Variants in CELF3 observed in about 807,000 individuals in gnomAD.
CELF3 encodes CUGBP Elav-like family member 3.
Under a neutral mutation model 59.6 loss-of-function variants are expected in CELF3, and 26 were observed. That is an observed-to-expected ratio of 0.44 (90% CI 0.32 to 0.61). The LOEUF (loss-of-function observed/expected upper bound fraction) is 0.61, where lower values mean the gene tolerates loss of function less well. CELF3 is among the 20% of genes least tolerant of loss of function. The pLI, the probability that CELF3 is intolerant of heterozygous loss-of-function variation, is 0.06. For synonymous variants in CELF3, 245 were observed against 250.7 expected (o/e 0.98, Z 0.22); for missense variants, 387 against 627.2 (o/e 0.62, Z 4.09).
At position 151,716,338 on chromosome 1, in the gene CELF3, A is replaced by C. The variant is rs1347861651; in HGVS notation, c.-318T>G. On this transcript the variant is annotated 5_prime_UTR_variant, in exon 1 of 13. Transcript: ENST00000290583. ...GAGTATGGCCAAGACCTGGAGGGTT[A>C]GGTGGTAGCCGGGGGTGCTAGGGCT... is the stretch of plus-strand genomic sequence containing the variant. The C allele has an allele frequency of 3.0e-6, 1 of 338,948 alleles. No individual in the cohort carries two copies. The highest frequency in any genetic ancestry group is 5.5e-6 in the Non-Finnish European group (1 of 182,222). 21.0% of individuals were successfully genotyped at this position (338,948 alleles called of 1,614,324 possible). A position where few individuals can be genotyped will look rare whatever the true frequency, so the allele number is the denominator to read the frequency against.
rs1171759315 is a variant in CELF3 at position 151,714,694 on chromosome 1, C to A, written c.146-18G>T. The A allele has an allele frequency of 6.5e-7, 1 of 1,536,648 alleles. No homozygotes were observed. The highest frequency in any genetic ancestry group is 2.0e-5 in the Admixed American group (1 of 51,104). On this transcript the variant is annotated intron_variant, in intron 1 of 12. Coordinates refer to ENST00000290583, the MANE Select transcript of CELF3 (RefSeq NM_007185.7). ...GGCACATCCTGAGGAGGGGCAGGGG[C>A]AGAGAAACACGGCGGGGGGTGAGTC...
rs920427246 is a variant in CELF3, at chr1:151,716,112, G to T, written c.-92C>A. 20 of 1,343,678 alleles carry T rather than the reference G, an allele frequency of 1.5e-5. No homozygotes were observed. The highest frequency in any genetic ancestry group is 1.8e-5 in the Non-Finnish European group (18 of 999,978). The allele number at this position is 1,343,678 out of a possible 1,614,324, so 83.2% of individuals were successfully genotyped here. Reference sequence around the variant, plus strand: ...AGCAAGGAGATAAGTGGTGGGGCCCGGGGGCCCAGCTGGGGCTGGCTTTCC... The same window carrying T: ...AGCAAGGAGATAAGTGGTGGGGCCCTGGGGCCCAGCTGGGGCTGGCTTTCC... On this transcript the variant is annotated 5_prime_UTR_variant, in exon 1 of 13. Transcript: ENST00000290583.
chr1:151,704,053 G>A (rs990457970), intron 12 of CELF3, among the ~76,000 whole-genome samples: 3 of 152,170 alleles, frequency 2.0e-5, no homozygotes, highest in African/African-American at 7.2e-5. Flanking sequence ...GGGCTTGGGG[G>A]TGCTTCCCTC....
At chr1:151,703,946 G>A (rs1427850369) in intron 12 of CELF3, among the ~76,000 whole-genome samples, 2 of 152,102 alleles carry the variant, frequency 1.3e-5, no homozygotes, top group Non-Finnish European at 2.9e-5. Flanking sequence ...TTTTGGAAAG[G>A]AACACAGAAA....
At chr1:151,711,229 A>C (rs1483651312) in intron 2 of CELF3, 1 of 211,722 alleles carries the variant, frequency 4.7e-6, no homozygotes, top group Non-Finnish European at 9.6e-6. Context: ...GGTTCCGGTC[A>C]GCTCCAGGCT....
Position 151,703,258 on chromosome 1 carries a change from G to A in CELF3, c.*201C>T, listed in dbSNP as rs532163061. On this transcript the variant is annotated 3_prime_UTR_variant, in exon 13 of 13. Transcript: ENST00000290583. Reference sequence around the variant, plus strand: ...ATCTAGGAGGAAATGGGCCCTTGGAGCCAGGGAAGCATAGCCATGGCCCTT... The same window carrying A: ...ATCTAGGAGGAAATGGGCCCTTGGAACCAGGGAAGCATAGCCATGGCCCTT... 46 of 457,334 alleles carry A rather than the reference G, an allele frequency of 1.0e-4. 1 individual carries two copies. Among genetic ancestry groups the A allele is most frequent in the African/African-American group, 8.4e-4 (42 of 50,216 alleles). The allele number at this position is 457,334 out of a possible 1,614,324, so 28.3% of individuals were successfully genotyped here.
In CELF3 at chr1:151,700,587, T is replaced by C. The variant is rs2102761317; in HGVS notation, c.*2872A>G. Reference sequence around the variant, plus strand: ...GCAGCAGAGAAGTTTTGTTTTTTATTAGCTGCAGTTTAGAAAGATTGATGC... The same window carrying C: ...GCAGCAGAGAAGTTTTGTTTTTTATCAGCTGCAGTTTAGAAAGATTGATGC... On this transcript the variant is annotated 3_prime_UTR_variant, in exon 13 of 13. Transcript: ENST00000290583. 6.6e-6 allele frequency among the ~76,000 whole-genome samples: 1 copy of C among 152,332 alleles called. No homozygotes were observed. Among genetic ancestry groups the C allele is most frequent in the Non-Finnish European group, 1.5e-5 (1 of 68,038 alleles).
chr1:151,709,784 CT>C lies in CELF3; in HGVS notation c.235del (p.Arg79GlyfsTer24). 1 of 1,614,164 alleles carries C rather than the reference CT, an allele frequency of 6.2e-7. No individual in the cohort carries two copies. Among genetic ancestry groups the C allele is most frequent in the Non-Finnish European group, 8.5e-7 (1 of 1,179,996 alleles). On this transcript the variant is annotated frameshift_variant, in exon 3 of 13. Transcript: ENST00000290583. LOFTEE classifies it high-confidence loss of function. This position sits in a 1 kb window ranked among gnomAD's most constrained non-coding sequence, Gnocchi z 4.9. ...GTCGGCTGGCTTGACCTGGATCGGCCTGTTCATCTGAAGGAGAGAAGAGAAG... is the reference window on the plus strand; with the variant it reads ...GTCGGCTGGCTTGACCTGGATCGGCCGTTCATCTGAAGGAGAGAAGAGAAG... ...HEQKTLPGMN[R>X]PIQVKPADSE... is the part of the protein sequence containing the mutation.
rs2101459694 is a variant in CELF3 at position 151,709,627 on chromosome 1, G to T, written c.277+116C>A. ...ACTGACTCCTATCTCACCGCAGCTGGGAACTCTTCAGAATCATCAGGCTTT... is the reference window on the plus strand; with the variant it reads ...ACTGACTCCTATCTCACCGCAGCTGTGAACTCTTCAGAATCATCAGGCTTT... On this transcript the variant is annotated intron_variant, in intron 3 of 12. Coordinates refer to ENST00000290583, the MANE Select transcript of CELF3 (RefSeq NM_007185.7). This position sits in a 1 kb window ranked among gnomAD's most constrained non-coding sequence, Gnocchi z 4.9. The T allele has an allele frequency of 1.7e-6, 2 of 1,155,440 alleles. No homozygotes were observed. Among genetic ancestry groups the T allele is most frequent in the East Asian group, 2.4e-5 (1 of 42,138 alleles). 71.6% of individuals were successfully genotyped at this position (1,155,440 alleles called of 1,614,324 possible). A position where few individuals can be genotyped will look rare whatever the true frequency, so the allele number is the denominator to read the frequency against.
chr1:151,714,373 G>A, intron 2 of CELF3: 1 of 625,176 alleles, frequency 1.6e-6, no homozygotes, highest in South Asian at 1.8e-5. Context: ...TCTGCTCCTG[G>A]TAAAAGTCAT....
intron 1 of CELF3, among the ~76,000 whole-genome samples, chr1:151,715,451 C>T (rs1337185066): frequency 6.6e-6 from 1 of 152,128 alleles, no homozygotes; most frequent in Non-Finnish European, 1.5e-5. Flanking sequence ...ACATTGAACA[C>T]CTGACCCTGT....
In CELF3 at chr1:151,707,490, C is replaced by G. The variant is rs1428506016; in HGVS notation, c.772+17G>C. The G allele has an allele frequency of 6.2e-7, 1 of 1,609,880 alleles. No homozygotes were observed. Among genetic ancestry groups the G allele is most frequent in the Admixed American group, 1.7e-5 (1 of 59,880 alleles). On this transcript the variant is annotated intron_variant, in intron 7 of 12. Transcript: ENST00000290583. ...TACCATGCTTAGCTCCCTTGCCCGG[C>G]CTTGCCCAGGCCATACCTGAGGATG...
chr1:151,705,730 C>T lies in CELF3; in HGVS notation c.1270+92G>A. 7.3e-7 allele frequency: 1 copy of T among 1,366,924 alleles called. No homozygotes were observed. The highest frequency in any genetic ancestry group is 1.0e-6 in the Non-Finnish European group (1 of 985,032). 84.7% of individuals were successfully genotyped at this position (1,366,924 alleles called of 1,614,324 possible). A position where few individuals can be genotyped will look rare whatever the true frequency, so the allele number is the denominator to read the frequency against. On this transcript the variant is annotated intron_variant, in intron 11 of 12. Coordinates refer to ENST00000290583, the MANE Select transcript of CELF3 (RefSeq NM_007185.7). This position sits in a 1 kb window ranked among gnomAD's most constrained non-coding sequence, Gnocchi z 5.1. The stretch of plus-strand genomic sequence containing the variant: ...TCTTGGATAATCAGTATTTCAAATA[C>T]TGGGTCCACTGTGACCATAAATGCC...
intron 9 of CELF3, 39 bp from the exon 10 acceptor site, chr1:151,706,400 T>A (rs771356964): frequency 2.0e-6 from 3 of 1,512,276 alleles, no homozygotes; most frequent in Admixed American, 2.0e-5. Context: ...GGGGCTTCCC[T>A]GACTTCTTGA....
Position 151,709,161 on chromosome 1 carries a change from T to C in CELF3, c.406+59A>G. 2.5e-6 allele frequency: 4 copies of C among 1,607,328 alleles called. No homozygotes were observed. In the Admixed American group the frequency reaches 6.7e-5, roughly 27 times the overall value. ...GGTGGAACCCGATGCCTAGGGAGTCTTGGGGGTGGAACAGGAAGGGGAAGG... is the reference window on the plus strand; with the variant it reads ...GGTGGAACCCGATGCCTAGGGAGTCCTGGGGGTGGAACAGGAAGGGGAAGG... On this transcript the variant is annotated intron_variant, in intron 4 of 12. Coordinates refer to ENST00000290583, the MANE Select transcript of CELF3 (RefSeq NM_007185.7). The surrounding 1 kb of genome is among the most constrained non-coding windows in gnomAD (Gnocchi z 4.9).
At chr1:151,707,714 G>T in intron 6 of CELF3, 66 bp from the exon 7 acceptor site, 1 of 1,598,918 alleles carries the variant, frequency 6.3e-7, no homozygotes. Flanking sequence ...CTCCCAGCCC[G>T]GGGCCTTGGC....
intron 1 of CELF3, 148 bp downstream of exon 1, chr1:151,715,728 T>C (rs1673425642): frequency 6.3e-7 from 1 of 1,579,192 alleles, no homozygotes; most frequent in South Asian, 1.1e-5. Flanking sequence ...CTGAGTTCTT[T>C]TTCAGCTCCT....
At chr1:151,715,636 A>G (rs1346538076) in intron 1 of CELF3, 8 of 1,490,834 alleles carry the variant, frequency 5.4e-6, no homozygotes, top group Non-Finnish European at 7.2e-6. Flanking sequence ...TCTGGGATCC[A>G]CATCTTTGCA....
chr1:151,709,129 A>T lies in CELF3; in HGVS notation c.407-52T>A. ...AGGGGTAAGCACCCATCCCTGCGGG[A>T]CCCCGCGGTGGAACCCGATGCCTAG... On this transcript the variant is annotated intron_variant, in intron 4 of 12. Coordinates refer to ENST00000290583, the MANE Select transcript of CELF3 (RefSeq NM_007185.7). This position sits in a 1 kb window ranked among gnomAD's most constrained non-coding sequence, Gnocchi z 4.9. 4 of 1,606,266 alleles carry T rather than the reference A, an allele frequency of 2.5e-6. No individual in the cohort carries two copies. The highest frequency in any genetic ancestry group is 3.4e-6 in the Non-Finnish European group (4 of 1,174,330).
Sources: allele counts gnomAD v4.1 joint callset (sites outside exome capture counted in the v4.1 genomes callset), GRCh38; gene constraint gnomAD v4.1.1; non-coding constraint Gnocchi (gnomAD v3.1); transcripts MANE v1.5; gene names NCBI Gene and HGNC (gene_info 2026-07-23, HGNC 2026-07-21).